NUDT21: variants seen among roughly 807,000 people sequenced by gnomAD.
NUDT21 encodes the protein nudix hydrolase 21.
A neutral mutation model predicts 29.8 loss-of-function variants in NUDT21; 5 were observed. The observed-to-expected ratio is 0.17, with a 90% confidence interval of 0.09 to 0.35. NUDT21 has a LOEUF of 0.35. NUDT21 is among the 10% of genes least tolerant of loss of function. The pLI, the probability that NUDT21 is intolerant of heterozygous loss-of-function variation, is 1.00. For synonymous variants in NUDT21, 113 were observed against 98.5 expected, an observed-to-expected ratio of 1.15 and a Z score of -0.87; for missense variants, 76 against 276.0, an observed-to-expected ratio of 0.28 and a Z score of 5.13.
intron 3 of NUDT21, among the ~76,000 whole-genome samples, chr16:56,441,576 C>T (rs1247605167): frequency 6.6e-6 from 1 of 152,194 alleles, no homozygotes; most frequent in Non-Finnish European, 1.5e-5. Flanking sequence ...GCCTATAACC[C>T]TCTACTATGA....
chr16:56,450,144 C>T (rs1471369872), intron 1 of NUDT21, among the ~76,000 whole-genome samples: 4 of 152,284 alleles, frequency 2.6e-5, no homozygotes, highest in African/African-American at 7.2e-5. Flanking sequence ...AATCCTTGCA[C>T]TTGTACCCTG....
chr16:56,429,357 T>A lies in NUDT21; in HGVS notation c.*3355A>T, dbSNP rs1202644936. On this transcript the variant is annotated 3_prime_UTR_variant, in exon 7 of 7. Coordinates refer to ENST00000300291, the MANE Select transcript of NUDT21 (RefSeq NM_007006.3). ...CCAAAAGTTTAAATTTCTAAATACATGACCTTTCCCTCAACAGAACAGCAT... is the reference window on the plus strand; with the variant it reads ...CCAAAAGTTTAAATTTCTAAATACAAGACCTTTCCCTCAACAGAACAGCAT... The A allele has an allele frequency of 6.6e-6, 1 of 152,212 alleles. No homozygotes were observed. Among genetic ancestry groups the A allele is most frequent in the Non-Finnish European group, 1.5e-5 (1 of 68,024 alleles). The allele number at this position is 152,212 out of a possible 1,614,324, so 9.4% of individuals were successfully genotyped here.
rs149949549 is a variant in NUDT21 at position 56,432,347 on chromosome 16, T to C, written c.*365A>G. 8 of 178,124 alleles carry C rather than the reference T, an allele frequency of 4.5e-5. No homozygotes were observed. In the East Asian group the frequency reaches 1.0e-3, roughly 23 times the overall value. 11.0% of individuals were successfully genotyped at this position (178,124 alleles called of 1,614,324 possible). A position where few individuals can be genotyped will look rare whatever the true frequency, so the allele number is the denominator to read the frequency against. On this transcript the variant is annotated 3_prime_UTR_variant, in exon 7 of 7. Transcript: ENST00000300291. ...GTATCAAAGCAAGGGTCCAATAAAC[T>C]TGACTGACTTAAACCTGTCATTGTG...
At chr16:56,435,784 T>TATATATATATAG (rs58350584) in intron 4 of NUDT21, among the ~76,000 whole-genome samples, 1 of 101,994 alleles carries the variant, frequency 9.8e-6, no homozygotes, top group Admixed American at 1.0e-4. Context: ...TATATATATA[T>TATATATATATAG]GATCAGTAAG....
In NUDT21 at chr16:56,434,396, A is replaced by G. The variant is rs1450115654; in HGVS notation, c.597T>C (p.Phe199=). The change falls in exon 6 of 7, where the codon TTT becomes TTC. Residue 199 remains phenylalanine (F), a synonymous_variant. Transcript: ENST00000300291. ...KNYKLVAAPL[F]ELYDNAPGYG... ...ATCCTGGTGCATTGTCATACAATTCAAACAATGGTGCAGCTACCAGCTTGT... is the reference window on the plus strand; with the variant it reads ...ATCCTGGTGCATTGTCATACAATTCGAACAATGGTGCAGCTACCAGCTTGT... 1 of 1,613,884 alleles carries G rather than the reference A, an allele frequency of 6.2e-7. No homozygotes were observed. Among genetic ancestry groups the G allele is most frequent in the East Asian group, 2.2e-5 (1 of 44,836 alleles).
At chr16:56,439,469 C>T in intron 4 of NUDT21, 188 bp downstream of exon 4, 1 of 562,274 alleles carries the variant, frequency 1.8e-6, no homozygotes, top group South Asian at 2.0e-5. Context: ...AGCCACCTCG[C>T]CCGGCCTTGT....
At chr16:56,443,183 T>TC (rs1567539483) in intron 3 of NUDT21, among the ~76,000 whole-genome samples, 1 of 145,498 alleles carries the variant, frequency 6.9e-6, no homozygotes, top group Non-Finnish European at 1.5e-5. Context: ...TTTTTTTTTC[T>TC]TTTTTTTTTT....
At chr16:56,437,942 TTA>T (rs1312453809) in intron 4 of NUDT21, among the ~76,000 whole-genome samples, 2 of 152,214 alleles carry the variant, frequency 1.3e-5, no homozygotes, top group African/African-American at 4.8e-5. Context: ...AAGTTTCTTT[TTA>T]TATGAGGATC....
intron 6 of NUDT21, among the ~76,000 whole-genome samples, chr16:56,433,094 A>T (rs576789938): frequency 6.6e-6 from 1 of 152,340 alleles, no homozygotes; most frequent in South Asian, 2.1e-4. Context: ...AATAAATAAT[A>T]TGACTCTTTT....
chr16:56,442,675 C>T (rs1962172855), intron 3 of NUDT21, among the ~76,000 whole-genome samples: 1 of 152,208 alleles, frequency 6.6e-6, no homozygotes, highest in Non-Finnish European at 1.5e-5. Context: ...AATCTCAAAA[C>T]TCATGCCCTT....
rs1290769341 is a variant in NUDT21 at position 56,439,741 on chromosome 16, C to T, written c.387G>A (p.Leu129=). The change falls in exon 4 of 7, where the codon CTG becomes CTA. Residue 129 remains leucine (L), a synonymous_variant. Transcript: ENST00000300291. The part of the protein sequence containing the change: ...EGLKRLMTEI[L]GRQDGVLQDW... ...CTTGCAAAACTCCATCCTGACGACC[C>T]AGTATCTGTCAAAAAGAAATAAGCC... is the stretch of plus-strand genomic sequence containing the variant. 1 of 1,613,086 alleles carries T rather than the reference C, an allele frequency of 6.2e-7. No individual in the cohort carries two copies. The highest frequency in any genetic ancestry group is 1.1e-5 in the South Asian group (1 of 91,064).
intron 3 of NUDT21, among the ~76,000 whole-genome samples, chr16:56,440,385 A>G (rs1390053522): frequency 6.6e-6 from 1 of 152,236 alleles, no homozygotes; most frequent in Admixed American, 6.5e-5. Context: ...TATTATTCAG[A>G]TATCCATAGT....
Position 56,432,881 on chromosome 16 carries a change from T to G in NUDT21, c.663-148A>C, listed in dbSNP as rs1962051967. 1.1e-5 allele frequency: 6 copies of G among 539,728 alleles called. No individual in the cohort carries two copies. In the South Asian group the frequency reaches 2.2e-4, roughly 19 times the overall value. 33.4% of individuals were successfully genotyped at this position (539,728 alleles called of 1,614,324 possible). A position where few individuals can be genotyped will look rare whatever the true frequency, so the allele number is the denominator to read the frequency against. ...CCCTTCGAATGCCTTTTTACCACGT[T>G]TGGCATTTTCTACACCAATTTTCCC... On this transcript the variant is annotated intron_variant, in intron 6 of 6. Coordinates refer to ENST00000300291, the MANE Select transcript of NUDT21 (RefSeq NM_007006.3).
intron 4 of NUDT21, chr16:56,439,361 C>T (rs531810675): frequency 9.4e-5 from 27 of 286,528 alleles, no homozygotes; most frequent in Admixed American, 7.0e-4. Context: ...TTAGTAGAGA[C>T]GAGCTTTCAC....
At chr16:56,449,686 T>C (rs753531809) in intron 1 of NUDT21, among the ~76,000 whole-genome samples, 5 of 152,198 alleles carry the variant, frequency 3.3e-5, no homozygotes, top group Admixed American at 6.5e-5. Flanking sequence ...ACTGTGGGTT[T>C]TAGTTCTAAT....
chr16:56,447,733 C>T, intron 2 of NUDT21, 56 bp downstream of exon 2: 1 of 1,489,066 alleles, frequency 6.7e-7, no homozygotes, highest in Non-Finnish European at 9.4e-7. Flanking sequence ...TCCAGAGCTG[C>T]ATAAACAGCA....
At chr16:56,437,191 A>G (rs1442153081) in intron 4 of NUDT21, among the ~76,000 whole-genome samples, 1 of 152,162 alleles carries the variant, frequency 6.6e-6, no homozygotes, top group African/African-American at 2.4e-5. Context: ...CAAGGGAGTC[A>G]GAAGCAAGAG....
chr16:56,444,745 G>T (rs1376691970), intron 3 of NUDT21, among the ~76,000 whole-genome samples: 1 of 151,660 alleles, frequency 6.6e-6, no homozygotes, highest in South Asian at 2.1e-4. Flanking sequence ...ATTGCTAGTT[G>T]TTCTCTGATT....
At chr16:56,437,441 TTTAAAGGTCAC>T (rs1962115552) in intron 4 of NUDT21, among the ~76,000 whole-genome samples, 1 of 152,234 alleles carries the variant, frequency 6.6e-6, no homozygotes, top group African/African-American at 2.4e-5. Context: ...ATACTGACAC[TTTAAAGGTCAC>T]TGAAACATGC....
Sources: gnomAD v4.1 joint callset for allele counts (sites outside exome capture counted in the v4.1 genomes callset) on GRCh38, gnomAD v4.1.1 for gene constraint, MANE v1.5 for transcripts, NCBI Gene and HGNC (gene_info 2026-07-23, HGNC 2026-07-21) for gene names.